KDM1A: variants seen among roughly 807,000 people sequenced by gnomAD.
KDM1A encodes the protein lysine-specific histone demethylase 1A.
Under a neutral mutation model 109.4 loss-of-function variants are expected in KDM1A, and 49 were observed. The observed-to-expected ratio is 0.45, with a 90% CI of 0.36 to 0.57. KDM1A has a LOEUF of 0.57. Among genes scored for constraint, KDM1A ranks in the 20% least tolerant of loss-of-function variants. The pLI is 0.00. For missense variants in KDM1A, 668 were observed against 1,116.6 expected (o/e 0.60, Z 5.73); for synonymous variants, 380 against 415.4 (o/e 0.91, Z 1.04).
chr1:23,049,709 G>A (rs975096853), intron 3 of KDM1A, among the ~76,000 whole-genome samples: 3 of 151,412 alleles, frequency 2.0e-5, no homozygotes, highest in African/African-American at 7.3e-5. Context: ...AGAGAAGAAC[G>A]TATTTTACTT....
chr1:23,032,585 T>C (rs1050451418), intron 2 of KDM1A, among the ~76,000 whole-genome samples: 4 of 152,306 alleles, frequency 2.6e-5, no homozygotes, highest in South Asian at 2.1e-4. Flanking sequence ...CTTACTAATA[T>C]ATTATTTGTG....
intron 1 of KDM1A, among the ~76,000 whole-genome samples, chr1:23,021,739 G>A (rs542347904): frequency 1.1e-4 from 16 of 152,300 alleles, no homozygotes; most frequent in African/African-American, 3.8e-4. Context: ...GTATGATTCA[G>A]TGGTTTTTAG....
At chr1:23,066,712 C>T (rs1643169876) in intron 10 of KDM1A, among the ~76,000 whole-genome samples, 1 of 152,170 alleles carries the variant, frequency 6.6e-6, no homozygotes, top group African/African-American at 2.4e-5. Context: ...AGGCGCATTG[C>T]ATCTGTGATC....
intron 15 of KDM1A, among the ~76,000 whole-genome samples, chr1:23,074,047 C>T (rs1319996704): frequency 1.3e-5 from 2 of 152,176 alleles, no homozygotes; most frequent in African/African-American, 2.4e-5. Flanking sequence ...AAATCAACTT[C>T]CAAACTATTT....
At chr1:23,033,287 T>C (rs1464231553) in intron 2 of KDM1A, among the ~76,000 whole-genome samples, 1 of 152,162 alleles carries the variant, frequency 6.6e-6, no homozygotes, top group African/African-American at 2.4e-5. Flanking sequence ...TTTGAGAGGC[T>C]GAGGCAAGCG....
intron 9 of KDM1A, among the ~76,000 whole-genome samples, chr1:23,059,789 C>A (rs1027897213): frequency 7.2e-5 from 11 of 152,036 alleles, no homozygotes; most frequent in African/African-American, 2.7e-4. Context: ...GAGTGAAATT[C>A]AAAAGTTTGT....
intron 1 of KDM1A, among the ~76,000 whole-genome samples, chr1:23,027,413 C>CTTTTTTTTT: frequency 8.7e-6 from 1 of 115,304 alleles, no homozygotes; most frequent in Non-Finnish European, 1.7e-5. Flanking sequence ...GTTTTGTTTG[C>CTTTTTTTTT]TTTTTTTTTT....
chr1:23,069,589 G>C (rs896536468), intron 12 of KDM1A, among the ~76,000 whole-genome samples: 1 of 152,222 alleles, frequency 6.6e-6, no homozygotes, highest in African/African-American at 2.4e-5. Flanking sequence ...TGGGCCACGA[G>C]TTGGACAAGC....
chr1:23,081,602 T>C (rs1486272689), intron 19 of KDM1A, 29 bp downstream of exon 19: 1 of 1,613,236 alleles, frequency 6.2e-7, no homozygotes, highest in Non-Finnish European at 8.5e-7. Flanking sequence ...CAAGGAGGGA[T>C]CTAGGGTTCA....
At chr1:23,025,522 G>A (rs1294101844) in intron 1 of KDM1A, among the ~76,000 whole-genome samples, 1 of 151,924 alleles carries the variant, frequency 6.6e-6, no homozygotes, top group African/African-American at 2.4e-5. Flanking sequence ...GCAGAGACGG[G>A]TTTCACCATG....
chr1:23,047,019 T>G (rs1240823437), intron 3 of KDM1A, among the ~76,000 whole-genome samples: 1 of 152,224 alleles, frequency 6.6e-6, no homozygotes, highest in African/African-American at 2.4e-5. Context: ...TGTGTACTGT[T>G]GGTACTTTTA....
chr1:23,041,304 T>G (rs1642323535), intron 2 of KDM1A, among the ~76,000 whole-genome samples: 1 of 152,142 alleles, frequency 6.6e-6, no homozygotes, highest in Non-Finnish European at 1.5e-5. Flanking sequence ...TATCAAGAGA[T>G]AAATAACTTG....
intron 1 of KDM1A, among the ~76,000 whole-genome samples, chr1:23,029,367 T>C (rs1005611039): frequency 4.6e-5 from 7 of 152,204 alleles, no homozygotes; most frequent in Non-Finnish European, 8.8e-5. Flanking sequence ...CCATAATAAT[T>C]AGCTGTAGTT....
chr1:23,041,723 G>A (rs767660644), intron 2 of KDM1A, among the ~76,000 whole-genome samples: 22 of 151,840 alleles, frequency 1.4e-4, no homozygotes, highest in Admixed American at 5.2e-4. Context: ...TTACAGGCGT[G>A]AGCCACTGTG....
At chr1:23,027,258 C>T (rs1376750698) in intron 1 of KDM1A, among the ~76,000 whole-genome samples, 1 of 152,052 alleles carries the variant, frequency 6.6e-6, no homozygotes, top group Non-Finnish European at 1.5e-5. Context: ...TGATAGTCTT[C>T]TTTTAGCCTT....
At chr1:23,051,686 T>C (rs1642674403) in intron 4 of KDM1A, among the ~76,000 whole-genome samples, 1 of 152,216 alleles carries the variant, frequency 6.6e-6, no homozygotes, top group African/African-American at 2.4e-5. Flanking sequence ...ATTCAGAACA[T>C]GCTCATGTTA....
At chr1:23,044,380 C>G (rs1642443016) in intron 2 of KDM1A, 47 bp from the exon 3 acceptor site, 1 of 1,562,756 alleles carries the variant, frequency 6.4e-7, no homozygotes, top group Non-Finnish European at 8.8e-7. Flanking sequence ...AGATATTATC[C>G]TAATTTATGG....
In KDM1A at chr1:23,079,503, A is replaced by G. The variant is rs1643559037; in HGVS notation, c.2056-50A>G. ...GACTTTAAGGAAGTCTGTTGAAGCC[A>G]GTATTATCTGGCCCCTGTCACTGGC... On this transcript the variant is annotated intron_variant, in intron 17 of 20. Coordinates refer to ENST00000400181, the MANE Select transcript of KDM1A (RefSeq NM_001009999.3). The surrounding 1 kb of genome is among the most constrained non-coding windows in gnomAD (Gnocchi z 5.6). 2 of 1,350,170 alleles carry G rather than the reference A, an allele frequency of 1.5e-6. No homozygotes were observed. Among genetic ancestry groups the G allele is most frequent in the Non-Finnish European group, 2.1e-6 (2 of 951,766 alleles). 83.6% of individuals were successfully genotyped at this position (1,350,170 alleles called of 1,614,324 possible).
intron 2 of KDM1A, among the ~76,000 whole-genome samples, chr1:23,034,207 A>G (rs1348037051): frequency 6.6e-6 from 1 of 152,208 alleles, no homozygotes. Flanking sequence ...TTGTTTTCCT[A>G]AATATTTCCA....
Sources: gnomAD v4.1 joint callset for allele counts (sites outside exome capture counted in the v4.1 genomes callset) on GRCh38, gnomAD v4.1.1 for gene constraint, Gnocchi (gnomAD v3.1) non-coding constraint, MANE v1.5 for transcripts, NCBI Gene and HGNC (gene_info 2026-07-23, HGNC 2026-07-21) for gene names.